Variants in PARP15 observed in about 807,000 individuals in gnomAD.
The protein encoded by PARP15 is protein mono-ADP-ribosyltransferase PARP15.
Under a neutral mutation model 62.1 loss-of-function variants are expected in PARP15, and 50 were observed. That is an observed-to-expected ratio of 0.81 (90% CI 0.64 to 1.02). The LOEUF (loss-of-function observed/expected upper bound fraction) is 1.02. Ranked by LOEUF, PARP15 falls within the 50% of genes least tolerant of loss-of-function variation. The pLI is 0.00. For synonymous variants in PARP15, 309 were observed against 293.1 expected, an observed-to-expected ratio of 1.05 and a Z score of -0.55; for missense variants, 820 against 826.5, an observed-to-expected ratio of 0.99 and a Z score of 0.10.
rs2107619517 is a variant in PARP15, at chr3:122,638,160, T to C, written c.*2060T>C. ...TTTTTTATGGCTGCATAGTATTCCA[T>C]GGTGTATATGTGCCACATTTTCTTA... is the stretch of plus-strand genomic sequence containing the variant. On this transcript the variant is annotated 3_prime_UTR_variant, in exon 12 of 12. Coordinates refer to ENST00000464300, the MANE Select transcript of PARP15 (RefSeq NM_001113523.3). 6.6e-6 allele frequency: 1 copy of C among 152,292 alleles called. No homozygotes were observed. The highest frequency in any genetic ancestry group is 2.4e-5 in the African/African-American group (1 of 41,556). 9.4% of individuals were successfully genotyped at this position (152,292 alleles called of 1,614,324 possible). A position where few individuals can be genotyped will look rare whatever the true frequency, so the allele number is the denominator to read the frequency against.
Position 122,636,184 on chromosome 3 carries a change from G to A in PARP15, c.*84G>A. ...TTGTCTTTGCTTCTGGCCTGTGTAA[G>A]CAGATGAAAGTTTCCCTTTTAGGTG... On this transcript the variant is annotated 3_prime_UTR_variant, in exon 12 of 12. Coordinates refer to ENST00000464300, the MANE Select transcript of PARP15 (RefSeq NM_001113523.3). The A allele has an allele frequency of 1.5e-6, 2 of 1,371,992 alleles. No individual in the cohort carries two copies. The highest frequency in any genetic ancestry group is 2.0e-6 in the Non-Finnish European group (2 of 1,016,196). The allele number at this position is 1,371,992 out of a possible 1,614,324, so 85.0% of individuals were successfully genotyped here.
At chr3:122,599,970 A>G (rs1486004183) in intron 1 of PARP15, among the ~76,000 whole-genome samples, 1 of 152,242 alleles carries the variant, frequency 6.6e-6, no homozygotes, top group Non-Finnish European at 1.5e-5. Flanking sequence ...CATAACAGGT[A>G]CCCAATAAAT....
rs1272128068 is a variant in PARP15 at position 122,598,687 on chromosome 3, A to C, written c.187-7249A>C. On this transcript the variant is annotated intron_variant, in intron 1 of 11. Coordinates refer to ENST00000464300, the MANE Select transcript of PARP15 (RefSeq NM_001113523.3). Reference sequence around the variant, plus strand: ...TTTGTTGGTCACACAGCCAACTCTGATATGATATGGAAGGAGACTACGCAA... The same window carrying C: ...TTTGTTGGTCACACAGCCAACTCTGCTATGATATGGAAGGAGACTACGCAA... Among the ~76,000 whole-genome samples, 3 of 152,156 alleles carry C rather than the reference A, an allele frequency of 2.0e-5. No homozygotes were observed. The East Asian group carries it at 5.8e-4, about 29-fold the overall frequency.
intron 1 of PARP15, among the ~76,000 whole-genome samples, chr3:122,598,739 T>C (rs35065608): frequency 0.084 from 12,822 of 152,210 alleles, 549 homozygotes; most frequent in Non-Finnish European, 0.1. Flanking sequence ...AAGTAGGAAT[T>C]GAGAGTGATC....
intron 1 of PARP15, among the ~76,000 whole-genome samples, chr3:122,583,190 G>A (rs1576471073): frequency 1.5e-5 from 2 of 131,968 alleles, no homozygotes; most frequent in South Asian, 2.4e-4. Flanking sequence ...GCATGATCTC[G>A]GCTCGCTGCA....
At chr3:122,579,853 C>T (rs2080761306) in intron 1 of PARP15, among the ~76,000 whole-genome samples, 1 of 150,974 alleles carries the variant, frequency 6.6e-6, no homozygotes. Context: ...GTGGCACACA[C>T]CTGTAGTCCC....
chr3:122,596,903 A>G (rs1381614480), intron 1 of PARP15, among the ~76,000 whole-genome samples: 4 of 152,250 alleles, frequency 2.6e-5, no homozygotes, highest in East Asian at 1.9e-4. Context: ...CATAGCTTCA[A>G]TGAAAACCAG....
intron 1 of PARP15, among the ~76,000 whole-genome samples, chr3:122,590,076 C>T (rs1933768965): frequency 6.6e-6 from 1 of 151,426 alleles, no homozygotes; most frequent in African/African-American, 2.4e-5. Flanking sequence ...TTAGTAGAGA[C>T]GGAGTTTCAC....
intron 1 of PARP15, among the ~76,000 whole-genome samples, chr3:122,601,751 A>G (rs1053132794): frequency 6.6e-6 from 1 of 152,230 alleles, no homozygotes; most frequent in African/African-American, 2.4e-5. Context: ...ATGTGCAGGT[A>G]TTGTGTGAAC....
At chr3:122,612,972 G>C in intron 3 of PARP15, 69 bp from the exon 4 acceptor site, 1 of 1,344,842 alleles carries the variant, frequency 7.4e-7, no homozygotes, top group Non-Finnish European at 1.0e-6. Flanking sequence ...GAGTTGCTGG[G>C]ACCACAACTC....
chr3:122,600,268 A>G (rs1038748368), intron 1 of PARP15, among the ~76,000 whole-genome samples: 1 of 152,112 alleles, frequency 6.6e-6, no homozygotes, highest in African/African-American at 2.4e-5. Context: ...GAAAAAAGGC[A>G]AAAGAGTTCA....
chr3:122,621,592 C>T lies in PARP15; in HGVS notation c.1212C>T (p.Ser404=). The change falls in exon 8 of 12, where the codon TCC becomes TCT. Residue 404 remains serine (S), a synonymous_variant. Coordinates refer to ENST00000464300, the MANE Select transcript of PARP15 (RefSeq NM_001113523.3). ...AACAGAGGAAGTACACATCGGTTTC[C>T]CTTCCAGCCATTGGAACAGGTTTGC... ...ECEQRKYTSV[S]LPAIGTGNAG... is the part of the protein sequence containing the mutation. 1.3e-6 allele frequency: 2 copies of T among 1,595,362 alleles called. No individual in the cohort carries two copies. The highest frequency in any genetic ancestry group is 1.7e-6 in the Non-Finnish European group (2 of 1,173,902).
At chr3:122,617,723 A>T (rs1229269378) in intron 6 of PARP15, among the ~76,000 whole-genome samples, 1 of 152,112 alleles carries the variant, frequency 6.6e-6, no homozygotes, top group Non-Finnish European at 1.5e-5. Flanking sequence ...TTATACACAT[A>T]CACTCAACCT....
chr3:122,615,876 G>T lies in PARP15; in HGVS notation c.850+19G>T. On this transcript the variant is annotated intron_variant, in intron 5 of 11. Transcript: ENST00000464300. ...ACCCAAGGTCTGGTAAAGTCGTTCTGCTAAGGAAATATTTCCTTTTGCTGA... is the reference window on the plus strand; with the variant it reads ...ACCCAAGGTCTGGTAAAGTCGTTCTTCTAAGGAAATATTTCCTTTTGCTGA... 1 of 1,597,796 alleles carries T rather than the reference G, an allele frequency of 6.3e-7. No individual in the cohort carries two copies. The highest frequency in any genetic ancestry group is 8.6e-7 in the Non-Finnish European group (1 of 1,166,954).
chr3:122,609,711 T>A (rs112756323), intron 2 of PARP15, among the ~76,000 whole-genome samples: 55 of 139,944 alleles, frequency 3.9e-4, no homozygotes, highest in African/African-American at 1.3e-3. Context: ...AAAAAAAAAT[T>A]AAAAAAAAAA....
chr3:122,625,120 C>T (rs1936621025), intron 8 of PARP15, among the ~76,000 whole-genome samples: 1 of 152,092 alleles, frequency 6.6e-6, no homozygotes, highest in African/African-American at 2.4e-5. Flanking sequence ...CAATTTCTAG[C>T]TGAGCAAACT....
chr3:122,637,675 G>GA lies in PARP15; in HGVS notation c.*1579dup, dbSNP rs1455517669. On this transcript the variant is annotated 3_prime_UTR_variant, in exon 12 of 12. Transcript: ENST00000464300. ...CTCACTCATAATTCCAGCACTAAGG[G>GA]AAAACCACTGCCAATTTCTCATGTC... is the stretch of plus-strand genomic sequence containing the variant. The GA allele has an allele frequency of 6.6e-6, 1 of 152,062 alleles. No homozygotes were observed. The highest frequency in any genetic ancestry group is 1.5e-5 in the Non-Finnish European group (1 of 68,006). The allele number at this position is 152,062 out of a possible 1,614,324, so 9.4% of individuals were successfully genotyped here.
chr3:122,589,848 A>AT (rs1933732936), intron 1 of PARP15, among the ~76,000 whole-genome samples: 1 of 133,720 alleles, frequency 7.5e-6, no homozygotes, highest in South Asian at 2.3e-4. Flanking sequence ...CATTCATGTT[A>AT]TTTTTTATTT....
chr3:122,600,767 G>C (rs1219524593), intron 1 of PARP15, among the ~76,000 whole-genome samples: 1 of 150,788 alleles, frequency 6.6e-6, no homozygotes, highest in African/African-American at 2.5e-5. Context: ...GTTTCTATTA[G>C]TATTGCCCCC....
Sources: allele counts gnomAD v4.1 joint callset (sites outside exome capture counted in the v4.1 genomes callset), GRCh38; gene constraint gnomAD v4.1.1; transcripts MANE v1.5; gene names NCBI Gene and HGNC (gene_info 2026-07-23, HGNC 2026-07-21).